SUFU: variants seen among roughly 807,000 people sequenced by gnomAD.
SUFU encodes suppressor of fused homolog.
Under a neutral mutation model 58.9 loss-of-function variants are expected in SUFU, and 7 were observed. The observed-to-expected ratio is 0.12, with a 90% CI of 0.07 to 0.22. The LOEUF (loss-of-function observed/expected upper bound fraction) is 0.22. Among genes scored for constraint, SUFU ranks in the 10% least tolerant of loss-of-function variants. The pLI is 1.00. For synonymous variants in SUFU, 232 were observed against 254.8 expected, an observed-to-expected ratio of 0.91 and a Z score of 0.85; for missense variants, 451 against 641.3, an observed-to-expected ratio of 0.70 and a Z score of 3.20.
rs572003289 is a variant in SUFU at position 102,524,058 on chromosome 10, G to A, written c.317+14755G>A. On this transcript the variant is annotated intron_variant, in intron 2 of 11. Coordinates refer to ENST00000369902, the MANE Select transcript of SUFU (RefSeq NM_016169.4). Reference sequence around the variant, plus strand: ...TTACCTCACTTCCTTAGACCCTTTCGCAAATAACTTCTCTCAGTTAGGCCT... The same window carrying A: ...TTACCTCACTTCCTTAGACCCTTTCACAAATAACTTCTCTCAGTTAGGCCT... Among the ~76,000 whole-genome samples the A allele has an allele frequency of 9.9e-5, 15 of 152,082 alleles. No individual in the cohort carries two copies. In the South Asian group the frequency reaches 1.9e-3, roughly 19 times the overall value.
At position 102,567,051 on chromosome 10, in the gene SUFU, G is replaced by A. The variant is rs377386812; in HGVS notation, c.454+16945G>A. 9.3e-3 allele frequency among the ~76,000 whole-genome samples: 918 copies of A among 99,080 alleles called. 13 individuals carry two copies. The highest frequency in any genetic ancestry group is 0.051 in the Middle Eastern group (4 of 78). The allele number at this position is 99,080 out of a possible 152,430, so 65.0% of individuals were successfully genotyped here. ...TTTTGAGACAGAGTCTCGCTGTGTT[G>A]CTCAGGCTGGAGTGCAGTGACACAA... On this transcript the variant is annotated intron_variant, in intron 3 of 11. Transcript: ENST00000369902.
chr10:102,584,420 G>T (rs2063315526), intron 3 of SUFU, among the ~76,000 whole-genome samples: 1 of 152,000 alleles, frequency 6.6e-6, no homozygotes, highest in African/African-American at 2.4e-5. Context: ...GGGCTCAAGA[G>T]ATCCTCTCAC....
intron 3 of SUFU, among the ~76,000 whole-genome samples, chr10:102,570,830 C>T (rs895595541): frequency 4.6e-5 from 7 of 152,212 alleles, no homozygotes; most frequent in Non-Finnish European, 8.8e-5. Context: ...GTCTGTGTCT[C>T]AGTTCTACTG....
chr10:102,507,762 T>C (rs1327066208), intron 1 of SUFU, among the ~76,000 whole-genome samples: 1 of 152,216 alleles, frequency 6.6e-6, no homozygotes, highest in Non-Finnish European at 1.5e-5. Flanking sequence ...TATTTGGTTG[T>C]TAGCTTTCCA....
At chr10:102,573,748 T>C (rs2063185712) in intron 3 of SUFU, among the ~76,000 whole-genome samples, 1 of 152,182 alleles carries the variant, frequency 6.6e-6, no homozygotes, top group Admixed American at 6.6e-5. Flanking sequence ...AAATATTGTA[T>C]GATTCCACTT....
At chr10:102,624,237 C>T (rs1486123401) in intron 10 of SUFU, among the ~76,000 whole-genome samples, 2 of 152,196 alleles carry the variant, frequency 1.3e-5, no homozygotes, top group Admixed American at 6.5e-5. Context: ...CAGGCTTTTC[C>T]CACAGTTGCA....
intron 2 of SUFU, among the ~76,000 whole-genome samples, chr10:102,516,076 A>G (rs1006791842): frequency 6.6e-6 from 1 of 150,750 alleles, no homozygotes; most frequent in Non-Finnish European, 1.5e-5. Flanking sequence ...TGAATTTGTG[A>G]ATTTTTAAAT....
intron 2 of SUFU, among the ~76,000 whole-genome samples, chr10:102,521,592 A>G (rs1388885098): frequency 6.6e-6 from 1 of 152,098 alleles, no homozygotes; most frequent in African/African-American, 2.4e-5. Flanking sequence ...CTAAGGTTTG[A>G]GATTGATTCT....
intron 10 of SUFU, among the ~76,000 whole-genome samples, chr10:102,620,919 T>C (rs1590087519): frequency 6.6e-6 from 1 of 152,178 alleles, no homozygotes. Context: ...AGAATATTGT[T>C]TTAGGCCCCG....
At chr10:102,510,490 G>C (rs1248707217) in intron 2 of SUFU, among the ~76,000 whole-genome samples, 4 of 1,498 alleles carry the variant, frequency 2.7e-3, no homozygotes, top group African/African-American at 0.015. Context: ...TTACAGGCGT[G>C]ACGACTGTGC....
At chr10:102,517,545 T>C (rs1358369560) in intron 2 of SUFU, among the ~76,000 whole-genome samples, 1 of 152,182 alleles carries the variant, frequency 6.6e-6, no homozygotes, top group Non-Finnish European at 1.5e-5. Flanking sequence ...CTATTCCCCA[T>C]ACCTCTCATG....
intron 2 of SUFU, among the ~76,000 whole-genome samples, chr10:102,534,670 A>T (rs765964161): frequency 3.0e-4 from 45 of 152,320 alleles, no homozygotes; most frequent in Admixed American, 7.2e-4. Flanking sequence ...CTTAGAGCAG[A>T]TTGACAGGAA....
intron 2 of SUFU, among the ~76,000 whole-genome samples, chr10:102,513,247 A>C (rs1345674243): frequency 2.0e-5 from 3 of 152,298 alleles, no homozygotes; most frequent in East Asian, 3.9e-4. Flanking sequence ...CCTCATTTAA[A>C]TTAGTACTCA....
intron 2 of SUFU, among the ~76,000 whole-genome samples, chr10:102,526,993 G>GT (rs34862176): frequency 0.062 from 6,352 of 102,096 alleles, 351 homozygotes; most frequent in Non-Finnish European, 0.082. Context: ...TATTATTATT[G>GT]TTTTTTTTTT....
At chr10:102,581,848 A>T (rs1381674536) in intron 3 of SUFU, among the ~76,000 whole-genome samples, 1 of 152,208 alleles carries the variant, frequency 6.6e-6, no homozygotes, top group Non-Finnish European at 1.5e-5. Context: ...GAACACCAGA[A>T]ATGCAAGAGG....
chr10:102,600,614 T>C (rs754758517), intron 8 of SUFU, among the ~76,000 whole-genome samples: 6 of 151,828 alleles, frequency 4.0e-5, no homozygotes, highest in Non-Finnish European at 8.8e-5. Context: ...GGATCTGGGG[T>C]AGTTAGGGAG....
intron 3 of SUFU, among the ~76,000 whole-genome samples, chr10:102,556,745 A>AGGG (rs2062983308): frequency 1.3e-5 from 1 of 76,140 alleles, no homozygotes; most frequent in Non-Finnish European, 2.6e-5. Context: ...TCAAAAAAAA[A>AGGG]AAAAAGGAAG....
rs2063832164 is a variant in SUFU, at chr10:102,630,909, G to C, written c.*754G>C. 1 of 235,674 alleles carries C rather than the reference G, an allele frequency of 4.2e-6. No individual in the cohort carries two copies. Among genetic ancestry groups the C allele is most frequent in the Non-Finnish European group, 8.4e-6 (1 of 119,726 alleles). 14.6% of individuals were successfully genotyped at this position (235,674 alleles called of 1,614,324 possible). On this transcript the variant is annotated 3_prime_UTR_variant, in exon 12 of 12. Transcript: ENST00000369902. ...CCAGCTGGGCCTGGTGGAGCCCGGG[G>C]CAGGGGGAGAGTAGAGACACTCCCT...
chr10:102,627,286 G>A, intron 11 of SUFU, 43 bp downstream of exon 11: 1 of 1,572,586 alleles, frequency 6.4e-7, no homozygotes, highest in Non-Finnish European at 8.8e-7. Flanking sequence ...CCCGTCTCTG[G>A]GACCATGTGT....
Sources: allele counts gnomAD v4.1 joint callset (sites outside exome capture counted in the v4.1 genomes callset), GRCh38; gene constraint gnomAD v4.1.1; transcripts MANE v1.5; gene names NCBI Gene and HGNC (gene_info 2026-07-23, HGNC 2026-07-21).